OLAH: variants seen among roughly 807,000 people sequenced by gnomAD.
The protein encoded by OLAH is S-acyl fatty acid synthase thioesterase, medium chain.
In OLAH, 33 loss-of-function variants were observed where a neutral mutation model predicts 27.8. The observed-to-expected ratio is 1.19, with a 90% CI of 0.90 to 1.59. The LOEUF (loss-of-function observed/expected upper bound fraction) is 1.59. OLAH is among the 40% of genes most tolerant of loss of function. The probability of loss-of-function intolerance (pLI) is 0.00; values close to 1 mark genes in which losing one functional copy is unlikely to be tolerated. For synonymous variants in OLAH, 120 were observed against 102.9 expected, an observed-to-expected ratio of 1.17 and a Z score of -1.01; for missense variants, 359 against 310.8, an observed-to-expected ratio of 1.16 and a Z score of -1.17.
intron 5 of OLAH, among the ~76,000 whole-genome samples, chr10:15,065,306 T>C (rs1008870584): frequency 3.3e-5 from 5 of 152,192 alleles, no homozygotes; most frequent in Admixed American, 6.5e-5. Flanking sequence ...CTCCTACCTC[T>C]TTGGTCTTTC....
Position 15,071,834 on chromosome 10 carries a change from G to A in OLAH, c.612G>A (p.Leu204=), listed in dbSNP as rs1242732528. 11 of 1,613,770 alleles carry A rather than the reference G, an allele frequency of 6.8e-6. No homozygotes were observed. Among genetic ancestry groups the A allele is most frequent in the Admixed American group, 5.0e-5 (3 of 60,020 alleles). The change falls in exon 7 of 8, where the codon TTG becomes TTA. Residue 204 remains leucine, a synonymous_variant. Transcript: ENST00000378228. ...CTAAGGCTGTTCTTTCCTGTGACTT[G>A]ACATGTTTTGTTGGATCTGAAGACA... ...VPSKAVLSCD[L]TCFVGSEDIA...
At chr10:15,035,392 G>A (rs192728658) in intron 1 of OLAH, among the ~76,000 whole-genome samples, 14 of 152,246 alleles carry the variant, frequency 9.2e-5, no homozygotes, top group Non-Finnish European at 5.9e-5. Flanking sequence ...GGGTAGCTCT[G>A]GCATCTGCTT....
intron 7 of OLAH, among the ~76,000 whole-genome samples, chr10:15,072,165 C>T (rs1417879356): frequency 6.6e-6 from 1 of 152,170 alleles, no homozygotes. Flanking sequence ...AACTCCTGAC[C>T]TCATGATCTG....
intron 3 of OLAH, among the ~76,000 whole-genome samples, chr10:15,053,596 T>A (rs1844187450): frequency 6.6e-6 from 1 of 152,174 alleles, no homozygotes; most frequent in Admixed American, 6.5e-5. Context: ...CCCCGAAGCA[T>A]GCCAATGTAT....
chr10:15,041,265 T>A (rs1446483932), upstream of OLAH, among the ~76,000 whole-genome samples: 1 of 150,666 alleles, frequency 6.6e-6, no homozygotes, highest in African/African-American at 2.5e-5. Flanking sequence ...CACACCTTTT[T>A]TTATTTTTAT....
chr10:15,040,664 T>TGA (rs1843906146), upstream of OLAH, among the ~76,000 whole-genome samples: 1 of 149,614 alleles, frequency 6.7e-6, no homozygotes, highest in South Asian at 2.2e-4. Flanking sequence ...TACCCCGTTT[T>TGA]CTACTCCTAT....
At chr10:15,042,940 A>G (rs1843946657), upstream of OLAH, among the ~76,000 whole-genome samples, 1 of 137,092 alleles carries the variant, frequency 7.3e-6, no homozygotes, top group South Asian at 2.3e-4. Flanking sequence ...CGCTCACTGC[A>G]AGCTCCGCCT....
chr10:15,068,405 T>G (rs1409961259), intron 6 of OLAH, among the ~76,000 whole-genome samples: 1 of 152,168 alleles, frequency 6.6e-6, no homozygotes, highest in Non-Finnish European at 1.5e-5. Context: ...TTACTATTAT[T>G]ATTTGAGATG....
At chr10:15,054,039 A>G (rs1455391492) in intron 3 of OLAH, among the ~76,000 whole-genome samples, 2 of 129,156 alleles carry the variant, frequency 1.5e-5, no homozygotes, top group African/African-American at 5.8e-5. Context: ...CCTCTTAAGC[A>G]TTTTTTTTTT....
At chr10:15,043,111 T>C (rs561918771), upstream of OLAH, among the ~76,000 whole-genome samples, 58 of 152,122 alleles carry the variant, frequency 3.8e-4, no homozygotes, top group East Asian at 5.2e-3. Context: ...CCACCCGCCT[T>C]GGCCTCCCAA....
chr10:15,059,680 C>A (rs1398189084), intron 3 of OLAH, among the ~76,000 whole-genome samples: 1 of 152,112 alleles, frequency 6.6e-6, no homozygotes, highest in Admixed American at 6.6e-5. Flanking sequence ...GTGGCATGTG[C>A]CTGTATTCCC....
chr10:15,061,947 G>C (rs1156590886), intron 4 of OLAH, 85 bp downstream of exon 4: 28 of 1,310,034 alleles, frequency 2.1e-5, no homozygotes, highest in Non-Finnish European at 2.8e-5. Context: ...TGTTTTGTAA[G>C]ATGCATACCT....
At chr10:15,065,471 G>T (rs1377408638) in intron 5 of OLAH, 113 bp from the exon 6 acceptor site, 9 of 1,119,716 alleles carry the variant, frequency 8.0e-6, no homozygotes, top group Non-Finnish European at 1.1e-5. Flanking sequence ...AGATAAAGCA[G>T]TCTACTTCCC....
chr10:15,047,486 G>A (rs1172546493), intron 2 of OLAH, 166 bp downstream of exon 2: 53 of 677,020 alleles, frequency 7.8e-5, no homozygotes, highest in Non-Finnish European at 5.3e-6. Context: ...CCTGAGGTCA[G>A]GAGTTCAAGA....
At chr10:15,035,283 A>T (rs927988543) in intron 1 of OLAH, among the ~76,000 whole-genome samples, 2 of 152,188 alleles carry the variant, frequency 1.3e-5, no homozygotes, top group African/African-American at 4.8e-5. Context: ...ACAGCACTGT[A>T]TTCGGCTGTT....
intron 3 of OLAH, among the ~76,000 whole-genome samples, chr10:15,051,692 A>T (rs1394830037): frequency 6.6e-6 from 1 of 152,100 alleles, no homozygotes; most frequent in Non-Finnish European, 1.5e-5. Context: ...AGAGCATATA[A>T]CATCATCCCT....
At chr10:15,041,214 T>C (rs781295195), upstream of OLAH, among the ~76,000 whole-genome samples, 10 of 152,238 alleles carry the variant, frequency 6.6e-5, no homozygotes, top group Non-Finnish European at 1.2e-4. Context: ...CACGATAGGA[T>C]ACTTTCAGTT....
chr10:15,066,264 C>T (rs796180760), intron 6 of OLAH, among the ~76,000 whole-genome samples: 12 of 150,448 alleles, frequency 8.0e-5, no homozygotes, highest in African/African-American at 2.9e-4. Context: ...AAAAGTCTAG[C>T]ATGTATTTTT....
intron 5 of OLAH, among the ~76,000 whole-genome samples, chr10:15,065,141 A>G (rs768377290): frequency 9.2e-5 from 14 of 152,132 alleles, no homozygotes; most frequent in Non-Finnish European, 1.5e-4. Flanking sequence ...TTTTTCCTTC[A>G]TTGTGGGTCA....
Sources: gnomAD v4.1 joint callset for allele counts (sites outside exome capture counted in the v4.1 genomes callset) on GRCh38, gnomAD v4.1.1 for gene constraint, MANE v1.5 for transcripts, NCBI Gene and HGNC (gene_info 2026-07-23, HGNC 2026-07-21) for gene names.